SLC9C1: variants seen among roughly 807,000 people sequenced by gnomAD.
SLC9C1 encodes sodium/hydrogen exchanger 10.
In SLC9C1, 97 loss-of-function variants were observed where a neutral mutation model predicts 140.9. That is an observed-to-expected ratio of 0.69 (90% CI 0.58 to 0.82). The LOEUF is 0.82. Among genes scored for constraint, SLC9C1 ranks in the 40% least tolerant of loss-of-function variants. SLC9C1 has a pLI of 0.00. For synonymous variants in SLC9C1, 440 were observed against 442.6 expected (o/e 0.99, Z 0.07); for missense variants, 1,340 against 1,389.3 (o/e 0.96, Z 0.56).
intron 17 of SLC9C1, 56 bp from the exon 18 acceptor site, chr3:112,202,455 TG>T: frequency 2.7e-6 from 4 of 1,503,274 alleles, no homozygotes; most frequent in Non-Finnish European, 3.6e-6. Flanking sequence ...TTTTATGATA[TG>T]TTGATTAGTT....
At position 112,182,162 on chromosome 3, in the gene SLC9C1, T is replaced by C; in HGVS notation, c.2620A>G (p.Lys874Glu). 1 of 1,578,522 alleles carries C rather than the reference T, an allele frequency of 6.3e-7. No individual in the cohort carries two copies. The highest frequency in any genetic ancestry group is 2.3e-5 in the East Asian group (1 of 43,924). The stretch of plus-strand genomic sequence containing the variant: ...ATGAAGTTTATATAATCTTTGTTTT[T>C]ATCTAGCCACGGAATATGATATAGA... ...EVLYHIPWLDKNKDYINFIQE... is the reference protein window; with the variant it reads ...EVLYHIPWLDENKDYINFIQE... Residue 874 changes from lysine (K) to glutamate (E), a missense_variant, in exon 21 of 29, where the codon AAA (lysine) becomes GAA (glutamate). By Grantham distance (56) the Lys-to-Glu change is moderately conservative. Coordinates refer to ENST00000305815, the MANE Select transcript of SLC9C1 (RefSeq NM_183061.3).
chr3:112,147,411 G>A (rs190420207), intron 28 of SLC9C1: 75 of 275,080 alleles, frequency 2.7e-4, no homozygotes, highest in Non-Finnish European at 4.7e-4. Flanking sequence ...GAGTTTTTGT[G>A]GTAGCAGTTG....
At chr3:112,209,117 C>T (rs6805397) in intron 15 of SLC9C1, among the ~76,000 whole-genome samples, 114,884 of 152,084 alleles carry the variant, frequency 0.76, 43,787 homozygotes, top group East Asian at 0.99. Context: ...AATTAATTGC[C>T]GATTGAAGAC....
Position 112,252,482 on chromosome 3 carries a change from G to A in SLC9C1, c.1198-8406C>T, listed in dbSNP as rs560046523. Among the ~76,000 whole-genome samples the A allele has an allele frequency of 2.0e-5, 3 of 152,252 alleles. No homozygotes were observed. The East Asian group carries it at 5.8e-4, about 29-fold the overall frequency. On this transcript the variant is annotated intron_variant, in intron 10 of 28. Transcript: ENST00000305815. Reference sequence around the variant, plus strand: ...CTTTGGAGAGTGTGAAGCAACTGGAGGTTTAAGCAGACCCCCAGAACAGCA... The same window carrying A: ...CTTTGGAGAGTGTGAAGCAACTGGAAGTTTAAGCAGACCCCCAGAACAGCA...
chr3:112,172,116 G>A (rs1249343694), intron 23 of SLC9C1, among the ~76,000 whole-genome samples: 1 of 152,082 alleles, frequency 6.6e-6, no homozygotes, highest in East Asian at 1.9e-4. Context: ...AAAAGAGTCT[G>A]TGGAGAGTTG....
chr3:112,175,459 C>A (rs1217298105), intron 23 of SLC9C1, among the ~76,000 whole-genome samples: 3 of 152,184 alleles, frequency 2.0e-5, no homozygotes, highest in Non-Finnish European at 2.9e-5. Flanking sequence ...AACAGTCTGG[C>A]CATGTTTTCA....
At chr3:112,226,048 C>A (rs947577515) in intron 13 of SLC9C1, among the ~76,000 whole-genome samples, 32 of 152,118 alleles carry the variant, frequency 2.1e-4, no homozygotes, top group African/African-American at 5.8e-4. Context: ...ATTTAAACTG[C>A]ACTATAGACA....
chr3:112,195,412 T>C (rs1382536593), intron 20 of SLC9C1, among the ~76,000 whole-genome samples: 2 of 152,166 alleles, frequency 1.3e-5, no homozygotes, highest in African/African-American at 4.8e-5. Flanking sequence ...CCAATCTCTG[T>C]CTTTGATTAG....
Position 112,263,064 on chromosome 3 carries a change from A to G in SLC9C1, c.1057T>C (p.Ser353Pro). Reference protein sequence around the residue: ...LTLLLISPVLSRVGHEFSWRW... With the variant: ...LTLLLISPVLPRVGHEFSWRW... ...CAACTGAACTCATGACCAACTCGAG[A>G]CAAAACAGGGCTTATTAAAAGAAGG... Residue 353 changes from serine to proline, a missense_variant, in exon 10 of 29, where the codon TCT becomes CCT. By Grantham distance (74) the Ser-to-Pro change is moderately conservative. Transcript: ENST00000305815. 2 of 1,592,208 alleles carry G rather than the reference A, an allele frequency of 1.3e-6. No individual in the cohort carries two copies. Among genetic ancestry groups the G allele is most frequent in the Non-Finnish European group, 1.7e-6 (2 of 1,172,066 alleles).
chr3:112,219,038 C>T (rs574778847), intron 14 of SLC9C1, among the ~76,000 whole-genome samples: 18 of 152,296 alleles, frequency 1.2e-4, no homozygotes, highest in African/African-American at 4.1e-4. Context: ...ATAACAACAG[C>T]ATCTAATAAG....
intron 5 of SLC9C1, 98 bp downstream of exon 5, chr3:112,277,597 C>T: frequency 9.1e-7 from 1 of 1,096,190 alleles, no homozygotes. Context: ...TACCTGACTT[C>T]TCACAGTGAA....
In SLC9C1 at chr3:112,263,105, G is replaced by A. The variant is rs755341641; in HGVS notation, c.1023-7C>T. ...TAAAAGAAGGGTCAGAAATCTAAAA[G>A]ACAAAACAATTTTTACAAAGTTATT... On this transcript the variant is annotated splice_polypyrimidine_tract_variant and splice_region_variant and intron_variant, in intron 9 of 28. Coordinates refer to ENST00000305815, the MANE Select transcript of SLC9C1 (RefSeq NM_183061.3). The A allele has an allele frequency of 1.9e-6, 3 of 1,556,530 alleles. No homozygotes were observed. Among genetic ancestry groups the A allele is most frequent in the Non-Finnish European group, 1.7e-6 (2 of 1,158,682 alleles).
chr3:112,244,643 G>C (rs181465137), intron 10 of SLC9C1, among the ~76,000 whole-genome samples: 6 of 152,254 alleles, frequency 3.9e-5, no homozygotes, highest in Admixed American at 3.9e-4. Flanking sequence ...TTATCTACTT[G>C]TATCTCAAGT....
chr3:112,278,880 T>C (rs1219730926), intron 3 of SLC9C1, 23 bp from the exon 4 acceptor site: 3 of 1,593,272 alleles, frequency 1.9e-6, no homozygotes, highest in Admixed American at 1.8e-5. Context: ...AAATATATCA[T>C]CTTCTCATTT....
intron 11 of SLC9C1, among the ~76,000 whole-genome samples, chr3:112,243,627 CAT>C (rs1304817798): frequency 6.6e-6 from 1 of 151,874 alleles, no homozygotes; most frequent in Non-Finnish European, 1.5e-5. Flanking sequence ...CCAACCTGCA[CAT>C]GTCAAATAAA....
chr3:112,229,419 A>G (rs562355700), intron 13 of SLC9C1, among the ~76,000 whole-genome samples: 1 of 152,268 alleles, frequency 6.6e-6, no homozygotes, highest in African/African-American at 2.4e-5. Flanking sequence ...GTATACTTGT[A>G]TTAGAATATT....
At chr3:112,187,750 A>T (rs971636197) in intron 20 of SLC9C1, among the ~76,000 whole-genome samples, 3 of 151,954 alleles carry the variant, frequency 2.0e-5, no homozygotes, top group Admixed American at 1.3e-4. Context: ...TTTCCTTCTC[A>T]TTTCTTCTTC....
Position 112,156,206 on chromosome 3 carries a change from T to C in SLC9C1, c.3365-1157A>G, listed in dbSNP as rs570590556. Among the ~76,000 whole-genome samples, 9 of 152,280 alleles carry C rather than the reference T, an allele frequency of 5.9e-5. No homozygotes were observed. In the South Asian group the frequency reaches 1.9e-3, roughly 32 times the overall value. On this transcript the variant is annotated intron_variant, in intron 26 of 28. Coordinates refer to ENST00000305815, the MANE Select transcript of SLC9C1 (RefSeq NM_183061.3). ...ACTATCATGGTACTCTATACTTCTATGAGATCCACTTTTTTAGTGCCCACA... is the reference window on the plus strand; with the variant it reads ...ACTATCATGGTACTCTATACTTCTACGAGATCCACTTTTTTAGTGCCCACA...
At chr3:112,171,084 C>T (rs914308759) in intron 23 of SLC9C1, among the ~76,000 whole-genome samples, 2 of 152,024 alleles carry the variant, frequency 1.3e-5, no homozygotes, top group East Asian at 1.9e-4. Context: ...CATGGTGGCA[C>T]GTGACTGTAA....
Sources: allele counts gnomAD v4.1 joint callset (sites outside exome capture counted in the v4.1 genomes callset), GRCh38; gene constraint gnomAD v4.1.1; transcripts MANE v1.5; gene names NCBI Gene and HGNC (gene_info 2026-07-23, HGNC 2026-07-21).